Variants in JAK2 observed in about 807,000 individuals in gnomAD.
The protein encoded by JAK2 is tyrosine-protein kinase JAK2.
JAK2 carries 86 observed loss-of-function variants against 139.3 expected under a neutral mutation model. The observed-to-expected ratio is 0.62, with a 90% CI of 0.52 to 0.74. The LOEUF is 0.74. Ranked by LOEUF, JAK2 falls within the 30% of genes least tolerant of loss-of-function variation. The pLI, the probability that JAK2 is intolerant of heterozygous loss-of-function variation, is 0.00. For synonymous variants in JAK2, 490 were observed against 437.7 expected (o/e 1.12, Z -1.49); for missense variants, 1,421 against 1,360.3 (o/e 1.04, Z -0.70).
At chr9:5,016,681 C>T (rs1156854097) in intron 2 of JAK2, among the ~76,000 whole-genome samples, 2 of 152,122 alleles carry the variant, frequency 1.3e-5, no homozygotes, top group African/African-American at 4.8e-5. Context: ...AATAGAGTAT[C>T]ACCTGAATTA....
At chr9:5,083,679 A>G (rs1342537166) in intron 19 of JAK2, among the ~76,000 whole-genome samples, 1 of 152,188 alleles carries the variant, frequency 6.6e-6, no homozygotes, top group Non-Finnish European at 1.5e-5. Context: ...TGGAATATAT[A>G]CTGGTATTTA....
At chr9:5,117,923 T>C (rs1233218751) in intron 22 of JAK2, among the ~76,000 whole-genome samples, 4 of 152,222 alleles carry the variant, frequency 2.6e-5, no homozygotes, top group Non-Finnish European at 5.9e-5. Flanking sequence ...TTTAAGTATA[T>C]ATGCTCACTA....
chr9:5,122,952 A>C (rs575157360), intron 22 of JAK2, 52 bp from the exon 23 acceptor site: 2 of 1,123,438 alleles, frequency 1.8e-6, no homozygotes, highest in South Asian at 3.0e-5. Context: ...GGTAAAATCA[A>C]GAGTCCACAT....
chr9:5,074,205 G>C (rs1819159255), intron 14 of JAK2, among the ~76,000 whole-genome samples: 1 of 152,020 alleles, frequency 6.6e-6, no homozygotes, highest in Non-Finnish European at 1.5e-5. Context: ...TATGATACTA[G>C]ATATATTTTT....
At chr9:5,017,038 T>C (rs1822112839) in intron 2 of JAK2, among the ~76,000 whole-genome samples, 1 of 152,232 alleles carries the variant, frequency 6.6e-6, no homozygotes. Flanking sequence ...TTGCAGAACA[T>C]TGCTGCTAAT....
intron 22 of JAK2, among the ~76,000 whole-genome samples, chr9:5,095,177 G>A (rs1820892347): frequency 6.6e-6 from 1 of 151,984 alleles, no homozygotes; most frequent in Non-Finnish European, 1.5e-5. Context: ...AGCTAAATAA[G>A]CTATTGGGCC....
chr9:5,069,158 C>A lies in JAK2; in HGVS notation c.1463C>A (p.Ser488Ter). Residue 488 changes from serine to a stop codon, truncating the protein, a stop_gained, in exon 11 of 25, where the codon TCA (serine) becomes TAA (stop). Transcript: ENST00000381652. LOFTEE classifies it high-confidence loss of function. ...LNCYQMETVR[S>*]DNIIFQFTKC... Reference sequence around the variant, plus strand: ...TGTTACCAGATGGAAACTGTTCGCTCAGACAATATAATTTTCCAGTTTACT... The same window carrying A: ...TGTTACCAGATGGAAACTGTTCGCTAAGACAATATAATTTTCCAGTTTACT... 1 of 1,612,086 alleles carries A rather than the reference C, an allele frequency of 6.2e-7. No individual in the cohort carries two copies. Among genetic ancestry groups the A allele is most frequent in the South Asian group, 1.1e-5 (1 of 90,576 alleles).
Position 5,078,297 on chromosome 9 carries a change from C to T in JAK2, c.1993-9C>T, listed in dbSNP as rs768128229. On this transcript the variant is annotated splice_polypyrimidine_tract_variant and intron_variant, in intron 15 of 24. Transcript: ENST00000381652. ...GATATTTGAATATATGTGCGTTTAA[C>T]TCTAATAGGAAGAAAACACCCTTAT... The T allele has an allele frequency of 2.5e-6, 4 of 1,607,966 alleles. No individual in the cohort carries two copies. In the East Asian group the frequency reaches 9.0e-5, roughly 36 times the overall value.
At position 5,126,791 on chromosome 9, in the gene JAK2, A is replaced by C; in HGVS notation, c.3399A>C (p.Ter1133CysextTer3). The C allele has an allele frequency of 1.3e-6, 2 of 1,588,858 alleles. No homozygotes were observed. Among genetic ancestry groups the C allele is most frequent in the Non-Finnish European group, 1.7e-6 (2 of 1,159,970 alleles). Residue 1133 changes from the stop codon to cysteine, a stop_lost, in exon 25 of 25, where the codon TGA (stop) becomes TGC (cysteine). Transcript: ENST00000381652. ...AAATAAGGGATAACATGGCTGGATG[A>C]AAGAAATGACCTTCATTCTGAGACC... ...VDQIRDNMAG[*>C]
At chr9:4,987,552 A>G (rs1820016539) in intron 2 of JAK2, among the ~76,000 whole-genome samples, 1 of 152,076 alleles carries the variant, frequency 6.6e-6, no homozygotes, top group African/African-American at 2.4e-5. Flanking sequence ...CCTGGCCAAC[A>G]TGGTGAAACC....
intron 22 of JAK2, chr9:5,109,854 C>T (rs1009302558): frequency 1.3e-5 from 2 of 152,112 alleles, no homozygotes. Context: ...AGTATTCTTC[C>T]AATATTCCAC....
At chr9:5,112,965 C>T (rs1353251211) in intron 22 of JAK2, 1 of 202,354 alleles carries the variant, frequency 4.9e-6, no homozygotes, top group Non-Finnish European at 1.0e-5. Context: ...CTGTTGTCAG[C>T]ATTGAGCCAA....
At chr9:5,077,094 G>A (rs1408573166) in intron 14 of JAK2, among the ~76,000 whole-genome samples, 1 of 151,730 alleles carries the variant, frequency 6.6e-6, no homozygotes, top group African/African-American at 2.4e-5. Flanking sequence ...AGAACTTCAG[G>A]AAGGTTTGAA....
chr9:5,003,501 A>G (rs1429362639), intron 2 of JAK2, among the ~76,000 whole-genome samples: 1 of 151,928 alleles, frequency 6.6e-6, no homozygotes, highest in Non-Finnish European at 1.5e-5. Context: ...CTATTTTTAA[A>G]TGTTCATTTA....
chr9:5,041,807 C>T, intron 4 of JAK2: 1 of 485,064 alleles, frequency 2.1e-6, no homozygotes, highest in African/African-American at 2.0e-5. Flanking sequence ...ATCAGCCGCA[C>T]AGCAAAAACC....
chr9:5,064,135 G>A (rs949977102), intron 8 of JAK2, among the ~76,000 whole-genome samples: 1 of 152,102 alleles, frequency 6.6e-6, no homozygotes, highest in Non-Finnish European at 1.5e-5. Context: ...CAGCCTGGGC[G>A]ACAGAGCAAG....
intron 14 of JAK2, among the ~76,000 whole-genome samples, chr9:5,074,617 C>T (rs936891043): frequency 2.0e-5 from 3 of 152,232 alleles, no homozygotes; most frequent in Non-Finnish European, 4.4e-5. Flanking sequence ...AGCCATTCCT[C>T]TGTCTCTCTC....
chr9:5,106,210 AAAC>A (rs1357065229), intron 22 of JAK2, among the ~76,000 whole-genome samples: 4 of 152,148 alleles, frequency 2.6e-5, no homozygotes, highest in African/African-American at 9.7e-5. Flanking sequence ...TACAAGAAAA[AAAC>A]AACCCCATCA....
intron 4 of JAK2, among the ~76,000 whole-genome samples, chr9:5,037,566 A>T (rs538356733): frequency 1.3e-5 from 2 of 152,332 alleles, no homozygotes; most frequent in South Asian, 4.1e-4. Context: ...AGGGACATGG[A>T]TGAAGCTGGA....
Sources: gnomAD v4.1 joint callset for allele counts (sites outside exome capture counted in the v4.1 genomes callset) on GRCh38, gnomAD v4.1.1 for gene constraint, MANE v1.5 for transcripts, NCBI Gene and HGNC (gene_info 2026-07-23, HGNC 2026-07-21) for gene names.